Variants in DOCK2 observed in about 807,000 individuals in gnomAD.
DOCK2 encodes dedicator of cytokinesis protein 2.
Under a neutral mutation model 248.9 loss-of-function variants are expected in DOCK2, and 87 were observed. That is an observed-to-expected ratio of 0.35 (90% CI 0.29 to 0.42). The LOEUF is 0.42. Among genes scored for constraint, DOCK2 ranks in the 10% least tolerant of loss-of-function variants. DOCK2 has a pLI of 1.00. For synonymous variants in DOCK2, 805 were observed against 821.6 expected (o/e 0.98, Z 0.35); for missense variants, 1,747 against 2,300.2 (o/e 0.76, Z 4.92).
intron 13 of DOCK2, among the ~76,000 whole-genome samples, chr5:169,700,560 G>A (rs1760907697): frequency 6.6e-6 from 1 of 150,858 alleles, no homozygotes; most frequent in African/African-American, 2.4e-5. Context: ...AAAGGAATTT[G>A]TGTTCATTGT....
chr5:170,045,761 C>G lies in DOCK2; in HGVS notation c.3877-55C>G, dbSNP rs6884561. On this transcript the variant is annotated intron_variant, in intron 38 of 51. Transcript: ENST00000520908. Reference sequence around the variant, plus strand: ...ACGCCTGAGTCCCTTCCTCAGCAAGCGCTCTGCAAACCCGGTGGTGCCACC... The same window carrying G: ...ACGCCTGAGTCCCTTCCTCAGCAAGGGCTCTGCAAACCCGGTGGTGCCACC... 0.39 allele frequency: 605,981 copies of G among 1,547,082 alleles called. 123,179 individuals are homozygous for G. Among genetic ancestry groups the G allele is most frequent in the East Asian group, 0.63 (27,795 of 44,464 alleles).
chr5:169,758,820 A>G (rs1764329805), intron 23 of DOCK2, among the ~76,000 whole-genome samples: 2 of 152,250 alleles, frequency 1.3e-5, no homozygotes. Context: ...TCTCAGTTGT[A>G]TATGGCTAGG....
chr5:169,645,997 T>TGA (rs1757436718), intron 1 of DOCK2, among the ~76,000 whole-genome samples: 4 of 152,218 alleles, frequency 2.6e-5, no homozygotes, highest in African/African-American at 9.6e-5. Context: ...GATCCGCCCA[T>TGA]CTCAGCCTCC....
chr5:169,899,583 C>T (rs1056237539), intron 27 of DOCK2, among the ~76,000 whole-genome samples: 1 of 152,178 alleles, frequency 6.6e-6, no homozygotes, highest in East Asian at 1.9e-4. Context: ...TGCTTGGGCA[C>T]TCAGGTTTGG....
chr5:170,016,045 G>A (rs1755528598), intron 32 of DOCK2, among the ~76,000 whole-genome samples: 2 of 152,112 alleles, frequency 1.3e-5, no homozygotes, highest in Non-Finnish European at 2.9e-5. Flanking sequence ...CCACTGTACA[G>A]ATGAGAAACC....
At chr5:170,013,202 A>G (rs12523533) in intron 32 of DOCK2, among the ~76,000 whole-genome samples, 37,170 of 151,592 alleles carry the variant, frequency 0.25, 4,777 homozygotes, top group South Asian at 0.34. Context: ...ATGGCTTCCT[A>G]GGGTTGGGGA....
At chr5:169,727,055 G>C (rs1377693449) in intron 22 of DOCK2, among the ~76,000 whole-genome samples, 1 of 150,096 alleles carries the variant, frequency 6.7e-6, no homozygotes, top group Admixed American at 6.6e-5. Context: ...GTGATAGAGT[G>C]CGACCCTGTC....
intron 47 of DOCK2, 26 bp downstream of exon 47, chr5:170,076,110 G>A (rs1757829287): frequency 6.2e-7 from 1 of 1,611,996 alleles, no homozygotes; most frequent in African/African-American, 1.3e-5. Flanking sequence ...ATGGCTTGGA[G>A]GGGTGGGATT....
intron 23 of DOCK2, among the ~76,000 whole-genome samples, chr5:169,757,920 T>C (rs1009273737): frequency 2.2e-4 from 33 of 152,322 alleles, no homozygotes; most frequent in African/African-American, 7.7e-4. Flanking sequence ...TATGGGGAAA[T>C]GGTCAATTAA....
intron 25 of DOCK2, among the ~76,000 whole-genome samples, chr5:169,770,899 G>T (rs1348293606): frequency 6.6e-6 from 1 of 152,178 alleles, no homozygotes; most frequent in South Asian, 2.1e-4. Context: ...TCTATTGAAA[G>T]CACTGCTGCT....
intron 33 of DOCK2, 43 bp from the exon 34 acceptor site, chr5:170,027,820 G>A (rs1755973516): frequency 6.4e-7 from 1 of 1,572,514 alleles, no homozygotes; most frequent in African/African-American, 1.4e-5. Flanking sequence ...TCAGCCCTCA[G>A]CCTTCTGATG....
intron 25 of DOCK2, among the ~76,000 whole-genome samples, chr5:169,800,439 C>G (rs1460660421): frequency 6.6e-6 from 1 of 152,202 alleles, no homozygotes; most frequent in Non-Finnish European, 1.5e-5. Context: ...TACTGACTCA[C>G]TGCTATGAAC....
intron 27 of DOCK2, among the ~76,000 whole-genome samples, chr5:169,971,445 T>C (rs1250073616): frequency 1.5e-5 from 2 of 131,832 alleles, no homozygotes; most frequent in South Asian, 2.7e-4. Flanking sequence ...TTTTTTTTTT[T>C]TCATGAAAGA....
intron 27 of DOCK2, among the ~76,000 whole-genome samples, chr5:169,925,988 G>A (rs1367280369): frequency 6.6e-6 from 1 of 152,152 alleles, no homozygotes; most frequent in Non-Finnish European, 1.5e-5. Flanking sequence ...GTGCCCAGGA[G>A]CTCGCAACAC....
chr5:170,056,977 C>A, intron 43 of DOCK2: 2 of 541,614 alleles, frequency 3.7e-6, no homozygotes, highest in South Asian at 4.9e-5. Flanking sequence ...TAATACAGAA[C>A]CCAGGCCTCA....
Position 169,763,151 on chromosome 5 carries a change from A to C in DOCK2, c.2554+1526A>C, listed in dbSNP as rs1240657360. On this transcript the variant is annotated intron_variant, in intron 25 of 51. Transcript: ENST00000520908. The surrounding 1 kb of genome is among the most constrained non-coding windows in gnomAD (Gnocchi z 4.1). ...CCAGGTGGTTTTTGTGAGGTTATGGAGACTAATTCTGGTAAGTCTTGTTGC... is the reference window on the plus strand; with the variant it reads ...CCAGGTGGTTTTTGTGAGGTTATGGCGACTAATTCTGGTAAGTCTTGTTGC... 6.6e-6 allele frequency among the ~76,000 whole-genome samples: 1 copy of C among 152,202 alleles called. No individual in the cohort carries two copies. The highest frequency in any genetic ancestry group is 2.4e-5 in the African/African-American group (1 of 41,456).
At chr5:169,785,520 A>G (rs1170921171) in intron 25 of DOCK2, among the ~76,000 whole-genome samples, 2 of 152,214 alleles carry the variant, frequency 1.3e-5, no homozygotes, top group African/African-American at 2.4e-5. Flanking sequence ...CTCTCCACAT[A>G]TTTCTTTCAT....
At chr5:169,904,343 A>G (rs1162626166) in intron 27 of DOCK2, among the ~76,000 whole-genome samples, 1 of 152,138 alleles carries the variant, frequency 6.6e-6, no homozygotes, top group African/African-American at 2.4e-5. Context: ...CTTGCTGAGT[A>G]GCTGAGATGT....
intron 26 of DOCK2, among the ~76,000 whole-genome samples, chr5:169,821,345 A>G (rs1264060860): frequency 6.6e-6 from 1 of 152,238 alleles, no homozygotes; most frequent in Non-Finnish European, 1.5e-5. Context: ...AAATGAAGGA[A>G]AAAAATGTTA....
Sources: gnomAD v4.1 joint callset for allele counts (sites outside exome capture counted in the v4.1 genomes callset) on GRCh38, gnomAD v4.1.1 for gene constraint, Gnocchi (gnomAD v3.1) non-coding constraint, MANE v1.5 for transcripts, NCBI Gene and HGNC (gene_info 2026-07-23, HGNC 2026-07-21) for gene names.